Variants in ZFYVE9 observed in about 807,000 individuals in gnomAD.
ZFYVE9 encodes the protein zinc finger FYVE domain-containing protein 9.
Under a neutral mutation model 126.7 loss-of-function variants are expected in ZFYVE9, and 43 were observed. That is an observed-to-expected ratio of 0.34 (90% CI 0.27 to 0.44). ZFYVE9 has a LOEUF of 0.44. ZFYVE9 is among the 20% of genes least tolerant of loss of function. The pLI is 1.00. For missense variants in ZFYVE9, 1,476 were observed against 1,697.0 expected, an observed-to-expected ratio of 0.87 and a Z score of 2.29; for synonymous variants, 521 against 597.4, an observed-to-expected ratio of 0.87 and a Z score of 1.87.
intron 1 of ZFYVE9, among the ~76,000 whole-genome samples, chr1:52,151,249 T>G (rs1644353772): frequency 6.6e-6 from 1 of 152,172 alleles, no homozygotes; most frequent in African/African-American, 2.4e-5. Context: ...ATAAAAGCTT[T>G]CCCTGTAGTG....
chr1:52,258,182 A>C (rs1056025199), intron 4 of ZFYVE9, among the ~76,000 whole-genome samples: 6 of 152,336 alleles, frequency 3.9e-5, no homozygotes, highest in East Asian at 3.9e-4. Flanking sequence ...AGTGTGGGGA[A>C]ATGGAGAATA....
chr1:52,199,597 A>T (rs1475026743), intron 1 of ZFYVE9, among the ~76,000 whole-genome samples: 1 of 152,238 alleles, frequency 6.6e-6, no homozygotes, highest in Admixed American at 6.5e-5. Context: ...AGGACATCTT[A>T]GTTGCTTCTA....
intron 15 of ZFYVE9, among the ~76,000 whole-genome samples, chr1:52,336,366 TTG>T (rs372493982): frequency 0.021 from 2,538 of 122,758 alleles, 295 homozygotes; most frequent in African/African-American, 0.087. Context: ...GAGGTTTTTT[TTG>T]TTTTTTTTTT....
rs1356862946 is a variant in ZFYVE9, at chr1:52,320,030, A to AG, written c.3439-12738_3439-12737insG. On this transcript the variant is annotated intron_variant, in intron 13 of 18. Coordinates refer to ENST00000287727, the MANE Select transcript of ZFYVE9 (RefSeq NM_004799.4). Reference sequence around the variant, plus strand: ...GATTCTGTCTCAAAAAAAAAAAAAAAAGAGAAAAAGAAAATAATTCCAGGA... The same window carrying AG: ...GATTCTGTCTCAAAAAAAAAAAAAAAGAGAGAAAAAGAAAATAATTCCAGGA... Among the ~76,000 whole-genome samples the AG allele has an allele frequency of 1.8e-4, 26 of 145,360 alleles. 1 individual carries two copies. Among genetic ancestry groups the AG allele is most frequent in the South Asian group, 1.3e-3 (6 of 4,612 alleles).
At chr1:52,242,031 C>CTTTTTTTTTTTTTTT (rs975430437) in intron 4 of ZFYVE9, among the ~76,000 whole-genome samples, 1 of 106,440 alleles carries the variant, frequency 9.4e-6, no homozygotes, top group South Asian at 3.1e-4. Context: ...TCATGGCAAT[C>CTTTTTTTTTTTTTTT]TTTTTTTTTT....
intron 10 of ZFYVE9, among the ~76,000 whole-genome samples, chr1:52,283,090 T>C (rs1459026331): frequency 6.6e-6 from 1 of 152,120 alleles, no homozygotes; most frequent in Non-Finnish European, 1.5e-5. Flanking sequence ...TGTTCCAAAA[T>C]GTATAGGGTT....
intron 1 of ZFYVE9, among the ~76,000 whole-genome samples, chr1:52,205,361 C>T (rs1488502433): frequency 1.3e-5 from 2 of 151,786 alleles, no homozygotes; most frequent in East Asian, 3.9e-4. Flanking sequence ...AGGGTGAAGC[C>T]ACCAAACCCA....
At chr1:52,222,284 G>C (rs949893064) in intron 2 of ZFYVE9, among the ~76,000 whole-genome samples, 3 of 152,190 alleles carry the variant, frequency 2.0e-5, no homozygotes, top group Non-Finnish European at 2.9e-5. Flanking sequence ...TGGGGACTCT[G>C]TGAACCCTTG....
At chr1:52,172,796 T>G (rs1012270993) in intron 1 of ZFYVE9, among the ~76,000 whole-genome samples, 4 of 151,504 alleles carry the variant, frequency 2.6e-5, no homozygotes, top group African/African-American at 4.8e-5. Flanking sequence ...GATTTGGCTC[T>G]CTGTTTGTCT....
chr1:52,206,654 A>G (rs1644980817), intron 1 of ZFYVE9, among the ~76,000 whole-genome samples: 2 of 151,972 alleles, frequency 1.3e-5, no homozygotes, highest in African/African-American at 4.8e-5. Context: ...AGGTTCAAGC[A>G]TTTTCATGCC....
rs1466231128 is a variant in ZFYVE9 at position 52,311,327 on chromosome 1, C to G, written c.3438+7402C>G. On this transcript the variant is annotated intron_variant, in intron 13 of 18. Coordinates refer to ENST00000287727, the MANE Select transcript of ZFYVE9 (RefSeq NM_004799.4). ...TCACCCAGGCTGGAGTGTGGTGGCA[C>G]GATCTTGGCTCACTGCAACCTTCAC... 6.8e-5 allele frequency among the ~76,000 whole-genome samples: 10 copies of G among 148,074 alleles called. No homozygotes were observed. The South Asian group carries it at 2.1e-3, about 31-fold the overall frequency.
intron 12 of ZFYVE9, among the ~76,000 whole-genome samples, chr1:52,297,394 C>T (rs781141836): frequency 1.2e-4 from 18 of 151,928 alleles, no homozygotes; most frequent in South Asian, 2.1e-4. Flanking sequence ...CCTGCCACCA[C>T]GCCTGGCTAA....
At chr1:52,253,758 A>G in intron 4 of ZFYVE9, 1 of 1,607,936 alleles carries the variant, frequency 6.2e-7, no homozygotes, top group Non-Finnish European at 8.5e-7. Context: ...ATCAGTTACG[A>G]GATGACAATC....
At position 52,278,579 on chromosome 1, in the gene ZFYVE9, A is replaced by T; in HGVS notation, c.2834A>T (p.Asn945Ile). The change falls in exon 9 of 19, where the codon AAT becomes ATT. Residue 945 changes from asparagine to isoleucine, a missense_variant. This residue lies in a region of ZFYVE9 where 669 missense variants were observed against 902.4 expected (regional missense o/e 0.74). Transcript: ENST00000287727. ...CCTGACCCACTTGTATTTGTTTTAA[A>T]TGCAAATTTGTTGTCAATGGTTAAA... ...GGPDPLVFVL[N>I]ANLLSMVKIV... 1 of 1,595,870 alleles carries T rather than the reference A, an allele frequency of 6.3e-7. No individual in the cohort carries two copies. Among genetic ancestry groups the T allele is most frequent in the Non-Finnish European group, 8.5e-7 (1 of 1,171,108 alleles).
Position 52,346,124 on chromosome 1 carries a change from G to C in ZFYVE9, c.4181G>C (p.Ser1394Thr). 6.2e-7 allele frequency: 1 copy of C among 1,613,586 alleles called. No homozygotes were observed. The highest frequency in any genetic ancestry group is 8.5e-7 in the Non-Finnish European group (1 of 1,179,580). The change falls in exon 19 of 19, where the codon AGC (serine) becomes ACC (threonine). Residue 1394 changes from serine (S) to threonine (T), a missense_variant. By Grantham distance (58) the Ser-to-Thr change is moderately conservative. Coordinates refer to ENST00000287727, the MANE Select transcript of ZFYVE9 (RefSeq NM_004799.4). ...TCGCAGTACATGAATGATCTGGACAGCGCCTTGGTGCCGGTGATCCATGGA... is the reference window on the plus strand; with the variant it reads ...TCGCAGTACATGAATGATCTGGACACCGCCTTGGTGCCGGTGATCCATGGA... ...LPSQYMNDLD[S>T]ALVPVIHGGA...
chr1:52,272,673 C>CTTTTTTTTTTTTT lies in ZFYVE9; in HGVS notation c.2626-1783_2626-1771dup, dbSNP rs58857376. 1.4e-3 allele frequency among the ~76,000 whole-genome samples: 175 copies of CTTTTTTTTTTTTT among 121,246 alleles called. 7 individuals carry two copies. The highest frequency in any genetic ancestry group is 5.5e-3 in the African/African-American group (162 of 29,582). 79.5% of individuals were successfully genotyped at this position (121,246 alleles called of 152,430 possible). ...ATGAAATGAAGCTGCTAGAAATAAT[C>CTTTTTTTTTTTTT]TTTTTTTTTTTTTTTTTTTTGAGTC... On this transcript the variant is annotated intron_variant, in intron 7 of 18. Coordinates refer to ENST00000287727, the MANE Select transcript of ZFYVE9 (RefSeq NM_004799.4).
intron 1 of ZFYVE9, chr1:52,160,488 C>T: frequency 1.2e-6 from 1 of 800,096 alleles, no homozygotes; most frequent in Non-Finnish European, 2.3e-6. Context: ...GTGGCAGTTT[C>T]TTCACCTGAA....
At chr1:52,183,067 A>AT (rs998742081) in intron 1 of ZFYVE9, among the ~76,000 whole-genome samples, 34 of 152,282 alleles carry the variant, frequency 2.2e-4, no homozygotes, top group African/African-American at 7.7e-4. Context: ...AAGGTCAGTA[A>AT]TTTTTTTCTT....
At chr1:52,320,132 G>A (rs964079787) in intron 13 of ZFYVE9, among the ~76,000 whole-genome samples, 9 of 148,370 alleles carry the variant, frequency 6.1e-5, no homozygotes, top group Non-Finnish European at 3.0e-5. Context: ...GTGCAATGGT[G>A]CAATCTCAGC....
Sources: allele counts gnomAD v4.1 joint callset (sites outside exome capture counted in the v4.1 genomes callset), GRCh38; gene constraint gnomAD v4.1.1; regional missense constraint gnomAD v4.1.1; transcripts MANE v1.5; gene names NCBI Gene and HGNC (gene_info 2026-07-23, HGNC 2026-07-21).